TBC1D4: variants seen among roughly 807,000 people sequenced by gnomAD.
The protein encoded by TBC1D4 is TBC1 domain family member 4.
In TBC1D4, 121 loss-of-function variants were observed where a neutral mutation model predicts 142.5. The ratio of observed to expected loss-of-function variants is 0.85; its 90% CI spans 0.73 to 0.99. TBC1D4 has a LOEUF of 0.99. Among genes scored for constraint, TBC1D4 ranks in the 50% least tolerant of loss-of-function variants. TBC1D4 has a pLI of 0.00. For synonymous variants in TBC1D4, 630 were observed against 628.2 expected (o/e 1.00, Z -0.04); for missense variants, 1,475 against 1,606.6 (o/e 0.92, Z 1.40).
chr13:75,351,377 T>TG (rs568094302), intron 4 of TBC1D4, among the ~76,000 whole-genome samples: 3 of 151,672 alleles, frequency 2.0e-5, no homozygotes, highest in East Asian at 1.9e-4. Flanking sequence ...CCTATTTTTT[T>TG]GGGGGGGTAT....
At chr13:75,390,145 C>A (rs577707684) in intron 1 of TBC1D4, among the ~76,000 whole-genome samples, 1 of 151,514 alleles carries the variant, frequency 6.6e-6, no homozygotes, top group East Asian at 1.9e-4. Context: ...CTGGGCCTGG[C>A]GGCGGGCGCC....
chr13:75,353,260 A>G lies in TBC1D4; in HGVS notation c.1275+2887T>C, dbSNP rs541977043. ...ATGCATGAGGGCAAAATGAAAACTA[A>G]AAACAAAACAAAACCTGTAAAAAAG... On this transcript the variant is annotated intron_variant, in intron 4 of 20. Transcript: ENST00000377636. Among the ~76,000 whole-genome samples the G allele has an allele frequency of 7.2e-5, 11 of 152,308 alleles. No individual in the cohort carries two copies. The East Asian group carries it at 2.1e-3, about 29-fold the overall frequency.
intron 1 of TBC1D4, among the ~76,000 whole-genome samples, chr13:75,433,775 A>C (rs1260318338): frequency 6.6e-6 from 1 of 152,226 alleles, no homozygotes; most frequent in Non-Finnish European, 1.5e-5. Flanking sequence ...GCATCTGACA[A>C]AAGTCTAACA....
At chr13:75,436,280 C>G (rs1886796788) in intron 1 of TBC1D4, among the ~76,000 whole-genome samples, 1 of 152,064 alleles carries the variant, frequency 6.6e-6, no homozygotes, top group African/African-American at 2.4e-5. Context: ...ATTACCCAGT[C>G]TCGGGTATTT....
At chr13:75,436,891 A>T (rs1886823556) in intron 1 of TBC1D4, among the ~76,000 whole-genome samples, 2 of 152,214 alleles carry the variant, frequency 1.3e-5, no homozygotes. Flanking sequence ...GGACATATTG[A>T]CATCTCATGC....
At chr13:75,459,728 G>A (rs1002129150) in intron 1 of TBC1D4, among the ~76,000 whole-genome samples, 9 of 151,850 alleles carry the variant, frequency 5.9e-5, no homozygotes, top group Admixed American at 1.3e-4. Flanking sequence ...TTAGTGTCTA[G>A]GTCAATCCTT....
At chr13:75,334,457 T>C (rs1341236912) in intron 8 of TBC1D4, among the ~76,000 whole-genome samples, 2 of 130,788 alleles carry the variant, frequency 1.5e-5, no homozygotes, top group African/African-American at 2.5e-5. Context: ...TATTTCTATA[T>C]GATTGTATAT....
Position 75,310,153 on chromosome 13 carries a change from T to C in TBC1D4, c.2384-2A>G, listed in dbSNP as rs201459702. On this transcript the variant is annotated splice_acceptor_variant, in intron 13 of 20. Transcript: ENST00000377636. LOFTEE classifies it high-confidence loss of function. Reference sequence around the variant, plus strand: ...GCAGCTCGTTCCTGTCCAATCCATCTGCAGAGAAGAACACAGTGAGAGGCA... The same window carrying C: ...GCAGCTCGTTCCTGTCCAATCCATCCGCAGAGAAGAACACAGTGAGAGGCA... 9 of 1,613,214 alleles carry C rather than the reference T, an allele frequency of 5.6e-6. No individual in the cohort carries two copies. The African/African-American group carries it at 1.2e-4, about 22-fold the overall frequency.
chr13:75,301,158 T>C (rs1876498040), intron 16 of TBC1D4, among the ~76,000 whole-genome samples: 1 of 152,080 alleles, frequency 6.6e-6, no homozygotes, highest in Non-Finnish European at 1.5e-5. Context: ...CCAAATAACA[T>C]ATCTGGCCAC....
chr13:75,454,930 A>G (rs1156922921), intron 1 of TBC1D4, among the ~76,000 whole-genome samples: 1 of 152,176 alleles, frequency 6.6e-6, no homozygotes, highest in Non-Finnish European at 1.5e-5. Flanking sequence ...CCAAGCTACT[A>G]TTTCAAATTT....
At chr13:75,301,402 G>A (rs1374439340) in intron 16 of TBC1D4, among the ~76,000 whole-genome samples, 1 of 152,178 alleles carries the variant, frequency 6.6e-6, no homozygotes, top group Non-Finnish European at 1.5e-5. Flanking sequence ...AGCACTCTGG[G>A]AGGCCGAGGC....
At chr13:75,451,995 A>C (rs1887552297) in intron 1 of TBC1D4, among the ~76,000 whole-genome samples, 2 of 152,058 alleles carry the variant, frequency 1.3e-5, no homozygotes, top group Non-Finnish European at 2.9e-5. Context: ...CTTTAGTACA[A>C]GATGTAATTT....
chr13:75,309,375 C>T (rs554318346), intron 14 of TBC1D4, among the ~76,000 whole-genome samples: 68 of 151,950 alleles, frequency 4.5e-4, no homozygotes, highest in African/African-American at 1.4e-3. Context: ...GATTTGAATA[C>T]GACTTTGTTA....
chr13:75,362,456 G>A lies in TBC1D4; in HGVS notation c.650C>T (p.Ala217Val). 5.6e-6 allele frequency: 9 copies of A among 1,614,238 alleles called. No individual in the cohort carries two copies. Among genetic ancestry groups the A allele is most frequent in the Non-Finnish European group, 6.8e-6 (8 of 1,180,048 alleles). Residue 217 changes from alanine (A) to valine (V), a missense_variant, in exon 2 of 21, where the codon GCC (alanine) becomes GTC (valine). Around this residue, in one of 2 missense-constraint regions of TBC1D4, gnomAD observed 1,227 missense variants for 1,267.7 expected, o/e 0.97. Transcript: ENST00000377636. The surrounding 1 kb of genome is among the most constrained non-coding windows in gnomAD (Gnocchi z 4.2). ...CGKVTVTHKK[A>V]PSSLIDDCME... ...GCAGTCATCGATGAGGCTTGAGGGG[G>A]CCTTCTTGTGGGTCACGGTCACCTT... is the stretch of plus-strand genomic sequence containing the variant.
intron 8 of TBC1D4, among the ~76,000 whole-genome samples, chr13:75,329,189 G>C (rs1879533115): frequency 6.7e-6 from 1 of 149,924 alleles, no homozygotes; most frequent in Non-Finnish European, 1.5e-5. Flanking sequence ...TCAGTACTTT[G>C]TGCTTAGATT....
chr13:75,481,695 G>T lies in TBC1D4; in HGVS notation c.73C>A (p.Gln25Lys), dbSNP rs1208321796. ...PLEPEPGVSA[Q>K]PGPGKPSDKR... ...TCGCTTGGCTTCCCGGGGCCGGGCT[G>T]AGCTGAGACGCCCGGCTCGGGCTCC... Residue 25 changes from glutamine (Q) to lysine (K), a missense_variant, in exon 1 of 21, where the codon CAG (glutamine) becomes AAG (lysine). Physicochemically the swap from Gln to Lys is moderately conservative, Grantham distance 53. Coordinates refer to ENST00000377636, the MANE Select transcript of TBC1D4 (RefSeq NM_014832.5). 3 of 1,598,364 alleles carry T rather than the reference G, an allele frequency of 1.9e-6. No individual in the cohort carries two copies. Among genetic ancestry groups the T allele is most frequent in the Non-Finnish European group, 2.6e-6 (3 of 1,174,356 alleles).
chr13:75,360,652 C>T (rs555342739), intron 2 of TBC1D4, among the ~76,000 whole-genome samples: 1 of 152,218 alleles, frequency 6.6e-6, no homozygotes, highest in African/African-American at 2.4e-5. Flanking sequence ...GCTCAGAAAG[C>T]AAATCTGATG....
At chr13:75,372,415 G>A (rs9565157) in intron 1 of TBC1D4, among the ~76,000 whole-genome samples, 41,784 of 151,798 alleles carry the variant, frequency 0.28, 6,559 homozygotes, top group African/African-American at 0.43. Flanking sequence ...AATTACAGGC[G>A]CCCACCAGGA....
intron 1 of TBC1D4, among the ~76,000 whole-genome samples, chr13:75,364,563 A>G (rs1359501): frequency 1 from 151,916 of 152,350 alleles, 75,743 homozygotes; most frequent in Middle Eastern, 1. Flanking sequence ...TCAACCCTTC[A>G]TCATTTTCTT....
Sources: gnomAD v4.1 joint callset for allele counts (sites outside exome capture counted in the v4.1 genomes callset) on GRCh38, gnomAD v4.1.1 for gene constraint, gnomAD v4.1.1 regional missense constraint, Gnocchi (gnomAD v3.1) non-coding constraint, MANE v1.5 for transcripts, NCBI Gene and HGNC (gene_info 2026-07-23, HGNC 2026-07-21) for gene names.